CNTNAP5: variants seen among roughly 807,000 people sequenced by gnomAD.
CNTNAP5 encodes the protein contactin associated protein family member 5.
CNTNAP5 carries 72 observed loss-of-function variants against 150.2 expected under a neutral mutation model. The observed-to-expected ratio is 0.48, with a 90% CI of 0.40 to 0.58. The LOEUF is 0.58. Among genes scored for constraint, CNTNAP5 ranks in the 20% least tolerant of loss-of-function variants. The pLI, the probability that CNTNAP5 is intolerant of heterozygous loss-of-function variation, is 0.00. For synonymous variants in CNTNAP5, 672 were observed against 619.8 expected (o/e 1.08, Z -1.25); for missense variants, 1,636 against 1,626.2 (o/e 1.01, Z -0.10).
chr2:124,618,047 C>T (rs1323347967), intron 12 of CNTNAP5, among the ~76,000 whole-genome samples: 1 of 152,068 alleles, frequency 6.6e-6, no homozygotes, highest in Non-Finnish European at 1.5e-5. Context: ...TAGGTTGGAA[C>T]CCAGAAAATC....
chr2:124,329,309 T>A (rs550357722), intron 3 of CNTNAP5, among the ~76,000 whole-genome samples: 1 of 152,302 alleles, frequency 6.6e-6, no homozygotes, highest in East Asian at 1.9e-4. Context: ...TGGTTAATCT[T>A]TCCAGGTTAT....
chr2:124,906,131 A>T (rs529220921), intron 22 of CNTNAP5, among the ~76,000 whole-genome samples: 1 of 152,312 alleles, frequency 6.6e-6, no homozygotes, highest in South Asian at 2.1e-4. Flanking sequence ...ACTGAGATAA[A>T]ACCAAGACAT....
At chr2:124,049,422 G>A (rs1475445131) in intron 1 of CNTNAP5, among the ~76,000 whole-genome samples, 1 of 152,130 alleles carries the variant, frequency 6.6e-6, no homozygotes, top group Non-Finnish European at 1.5e-5. Context: ...TTCTGGTGTT[G>A]ATTTTCAACC....
At chr2:124,182,742 G>A (rs571921722) in intron 1 of CNTNAP5, among the ~76,000 whole-genome samples, 61 of 152,176 alleles carry the variant, frequency 4.0e-4, no homozygotes, top group Non-Finnish European at 6.9e-4. Context: ...CATTTAGGTC[G>A]TTCTTTGTCT....
At chr2:124,773,937 TG>T (rs1558770119) in intron 17 of CNTNAP5, among the ~76,000 whole-genome samples, 1 of 147,130 alleles carries the variant, frequency 6.8e-6, no homozygotes, top group Non-Finnish European at 1.5e-5. Context: ...TGTGTGTGTG[TG>T]TGTGTGTGTG....
intron 13 of CNTNAP5, among the ~76,000 whole-genome samples, chr2:124,672,167 T>C (rs189184176): frequency 3.3e-5 from 5 of 152,242 alleles, no homozygotes; most frequent in African/African-American, 1.2e-4. Flanking sequence ...GCCACCCTCT[T>C]CTGGTGTCTT....
intron 1 of CNTNAP5, among the ~76,000 whole-genome samples, chr2:124,071,261 G>C (rs1682297411): frequency 6.6e-6 from 1 of 151,616 alleles, no homozygotes; most frequent in Non-Finnish European, 1.5e-5. Context: ...AATAAGGGAA[G>C]CTTCAAATAA....
chr2:124,573,185 G>A (rs1005213852), intron 11 of CNTNAP5, among the ~76,000 whole-genome samples: 7 of 152,128 alleles, frequency 4.6e-5, no homozygotes, highest in African/African-American at 9.7e-5. Context: ...GAACACAGAA[G>A]GATTTAAAAG....
intron 14 of CNTNAP5, among the ~76,000 whole-genome samples, chr2:124,754,833 G>A (rs902781772): frequency 2.0e-5 from 3 of 151,860 alleles, no homozygotes; most frequent in Non-Finnish European, 4.4e-5. Flanking sequence ...GATTACAGGC[G>A]TGAACCATTG....
intron 4 of CNTNAP5, among the ~76,000 whole-genome samples, chr2:124,424,341 A>G (rs1410037863): frequency 2.0e-5 from 3 of 152,158 alleles, no homozygotes; most frequent in Admixed American, 2.0e-4. Flanking sequence ...CACAGTTTAC[A>G]GCTCTGTCAG....
At chr2:124,610,790 C>G (rs1000753244) in intron 12 of CNTNAP5, among the ~76,000 whole-genome samples, 1 of 152,090 alleles carries the variant, frequency 6.6e-6, no homozygotes, top group Non-Finnish European at 1.5e-5. Context: ...GAAACCCTGT[C>G]TCTACTAAAA....
At chr2:124,569,142 A>T (rs1350966038) in intron 11 of CNTNAP5, among the ~76,000 whole-genome samples, 2 of 152,160 alleles carry the variant, frequency 1.3e-5, no homozygotes, top group East Asian at 1.9e-4. Flanking sequence ...TTGAGTAAAA[A>T]GTTCTGAATG....
chr2:124,057,060 G>A (rs1681869278), intron 1 of CNTNAP5, among the ~76,000 whole-genome samples: 1 of 152,086 alleles, frequency 6.6e-6, no homozygotes, highest in African/African-American at 2.4e-5. Flanking sequence ...CAATGGCCAT[G>A]TCCAATACTA....
At chr2:124,353,306 A>G (rs1244005806) in intron 3 of CNTNAP5, among the ~76,000 whole-genome samples, 1 of 151,116 alleles carries the variant, frequency 6.6e-6, no homozygotes, top group Non-Finnish European at 1.5e-5. Flanking sequence ...AAAAAAAAAA[A>G]AAAGATGAAG....
intron 1 of CNTNAP5, among the ~76,000 whole-genome samples, chr2:124,161,907 G>T (rs574719343): frequency 2.0e-5 from 3 of 152,100 alleles, no homozygotes; most frequent in Non-Finnish European, 2.9e-5. Context: ...TATTTTATAG[G>T]TTCAATGATA....
chr2:124,335,195 T>C (rs181236381), intron 3 of CNTNAP5, among the ~76,000 whole-genome samples: 143 of 152,258 alleles, frequency 9.4e-4, no homozygotes, highest in African/African-American at 3.3e-3. Flanking sequence ...GGTAGGCACT[T>C]CTGGTATTAG....
chr2:124,331,488 G>T (rs1290370360), intron 3 of CNTNAP5, among the ~76,000 whole-genome samples: 1 of 151,600 alleles, frequency 6.6e-6, no homozygotes, highest in Admixed American at 6.6e-5. Context: ...AACCTTAATT[G>T]GTTTGTTATC....
intron 12 of CNTNAP5, among the ~76,000 whole-genome samples, chr2:124,629,773 G>GT (rs771169353): frequency 0.028 from 3,646 of 130,868 alleles, 131 homozygotes; most frequent in African/African-American, 0.081. Context: ...TCCAGGAGCT[G>GT]TTTTTTTTTT....
In CNTNAP5 at chr2:124,898,913, G is replaced by A. The variant is rs555324224; in HGVS notation, c.3437-3969G>A. On this transcript the variant is annotated intron_variant, in intron 21 of 23. Transcript: ENST00000682447. Reference sequence around the variant, plus strand: ...TATGGCGATATGTTAGTCAAAGGATGAACATTTAGTTAGACTGGAGAATAA... The same window carrying A: ...TATGGCGATATGTTAGTCAAAGGATAAACATTTAGTTAGACTGGAGAATAA... Among the ~76,000 whole-genome samples the A allele has an allele frequency of 9.2e-5, 14 of 151,614 alleles. 2 individuals are homozygous for A. Among genetic ancestry groups the A allele is most frequent in the African/African-American group, 3.4e-4 (14 of 40,984 alleles).
Sources: allele counts gnomAD v4.1 joint callset (sites outside exome capture counted in the v4.1 genomes callset), GRCh38; gene constraint gnomAD v4.1.1; transcripts MANE v1.5; gene names NCBI Gene and HGNC (gene_info 2026-07-23, HGNC 2026-07-21).